The following DNAH9 variants were observed in gnomAD, a reference collection of about 807,000 sequenced individuals.
The protein encoded by DNAH9 is dynein axonemal heavy chain 9.
In DNAH9, 345 loss-of-function variants were observed where a neutral mutation model predicts 471.6. That is an observed-to-expected ratio of 0.73 (90% confidence interval 0.67 to 0.80). DNAH9 has a LOEUF of 0.80. Among genes scored for constraint, DNAH9 ranks in the 30% least tolerant of loss-of-function variants. The probability of loss-of-function intolerance (pLI) is 0.00; values close to 1 mark genes in which losing one functional copy is unlikely to be tolerated. For synonymous variants in DNAH9, 2,093 were observed against 2,123.6 expected, an observed-to-expected ratio of 0.99 and a Z score of 0.40; for missense variants, 5,407 against 5,609.2, an observed-to-expected ratio of 0.96 and a Z score of 1.15.
rs148694504 is a variant in DNAH9 at position 11,680,833 on chromosome 17, C to T, written c.3687C>T (p.Ala1229=). The T allele has an allele frequency of 1.2e-6, 2 of 1,613,838 alleles. No individual in the cohort carries two copies. Among genetic ancestry groups the T allele is most frequent in the African/African-American group, 1.3e-5 (1 of 75,044 alleles). Residue 1229 remains alanine (A), a synonymous_variant, in exon 19 of 69, where the codon GCC becomes GCT. Transcript: ENST00000262442. ...CACTCCTCCGCCAGAGGTGCACAGCCTTCGATGCAGAACAGCAGCAATTCT... is the reference window on the plus strand; with the variant it reads ...CACTCCTCCGCCAGAGGTGCACAGCTTTCGATGCAGAACAGCAGCAATTCT... ...EVTLLRQRCT[A]FDAEQQQFWE... is the part of the protein sequence containing the mutation.
At chr17:11,881,472 G>A (rs1188943108) in intron 55 of DNAH9, 59 bp downstream of exon 55, 2 of 1,533,088 alleles carry the variant, frequency 1.3e-6, no homozygotes, top group Non-Finnish European at 1.8e-6. Flanking sequence ...CTCCACTCTG[G>A]GAGAGGTTGC....
At chr17:11,858,360 C>T (rs148220833) in intron 50 of DNAH9, among the ~76,000 whole-genome samples, 2 of 152,282 alleles carry the variant, frequency 1.3e-5, no homozygotes, top group African/African-American at 4.8e-5. Context: ...TTGGCCCACG[C>T]AGTCTATTTG....
At chr17:11,780,177 C>T (rs552211745) in intron 38 of DNAH9, among the ~76,000 whole-genome samples, 1 of 152,358 alleles carries the variant, frequency 6.6e-6, no homozygotes, top group South Asian at 2.1e-4. Flanking sequence ...AGAAACCACT[C>T]CAGAAAAGAG....
chr17:11,778,329 CAAAAAAA>C (rs57983162), intron 38 of DNAH9, among the ~76,000 whole-genome samples: 350 of 48,642 alleles, frequency 7.2e-3, no homozygotes, highest in African/African-American at 0.015. Flanking sequence ...GACTCCATCT[CAAAAAAA>C]AAAAAAAAAA....
chr17:11,744,982 C>A lies in DNAH9; in HGVS notation c.6297C>A (p.Pro2099=). 1 of 1,614,130 alleles carries A rather than the reference C, an allele frequency of 6.2e-7. No individual in the cohort carries two copies. The highest frequency in any genetic ancestry group is 8.5e-7 in the Non-Finnish European group (1 of 1,179,988). Residue 2099 remains proline (P), a synonymous_variant, in exon 31 of 69, where the codon CCC becomes CCA. Transcript: ENST00000262442. The part of the protein sequence containing the change: ...IFMGLIGDLF[P]ALDVPRRRDP... ...TGGGCCTGATCGGGGACCTCTTTCC[C>A]GCCCTGGATGTCCCCCGGAGGAGAG...
At chr17:11,616,665 T>C (rs2072751606) in intron 4 of DNAH9, among the ~76,000 whole-genome samples, 1 of 152,204 alleles carries the variant, frequency 6.6e-6, no homozygotes, top group Admixed American at 6.5e-5. Context: ...ATCTATGTTA[T>C]GTCTCTATGC....
chr17:11,649,428 AAAT>A (rs1219560187), intron 12 of DNAH9, among the ~76,000 whole-genome samples: 4 of 152,128 alleles, frequency 2.6e-5, no homozygotes, highest in African/African-American at 9.7e-5. Context: ...GTTGCGTATA[AAAT>A]AATAGTGAAT....
In DNAH9 at chr17:11,780,993, C is replaced by T. The variant is rs1360309368; in HGVS notation, c.7553-16C>T. The T allele has an allele frequency of 6.2e-7, 1 of 1,611,586 alleles. No individual in the cohort carries two copies. Among genetic ancestry groups the T allele is most frequent in the East Asian group, 2.2e-5 (1 of 44,852 alleles). On this transcript the variant is annotated splice_polypyrimidine_tract_variant and intron_variant, in intron 38 of 68. Coordinates refer to ENST00000262442, the MANE Select transcript of DNAH9 (RefSeq NM_001372.4). ...GATTTGAGCCGCCTTCCCTCACCGA[C>T]TGGCTCTCTCCCCAGCTGTCCTGGA...
chr17:11,690,428 CTACCCCAGG>C lies in DNAH9; in HGVS notation c.4611_4614+5del. On this transcript the variant is annotated splice_donor_variant and coding_sequence_variant, in exon 20 of 69. Coordinates refer to ENST00000262442, the MANE Select transcript of DNAH9 (RefSeq NM_001372.4). LOFTEE classifies it high-confidence loss of function. ...TGGATCTGAAGATATTCGGGCACAG[CTACCCCAGG>C]TACCTGCTAAGGAAATCTAGAATCT... 2.5e-6 allele frequency: 4 copies of C among 1,612,920 alleles called. No individual in the cohort carries two copies. Among genetic ancestry groups the C allele is most frequent in the Non-Finnish European group, 3.4e-6 (4 of 1,179,052 alleles).
In DNAH9 at chr17:11,932,312, A is replaced by G; in HGVS notation, c.12297+107A>G. On this transcript the variant is annotated intron_variant, in intron 64 of 68. Coordinates refer to ENST00000262442, the MANE Select transcript of DNAH9 (RefSeq NM_001372.4). The surrounding 1 kb of genome is among the most constrained non-coding windows in gnomAD (Gnocchi z 4.3). ...TCTAGGATGGGGCCTGAGAATGTGC[A>G]TTTCTAACAAGCTCCCTCGTGATGC... The G allele has an allele frequency of 8.6e-7, 1 of 1,158,192 alleles. No individual in the cohort carries two copies. Among genetic ancestry groups the G allele is most frequent in the Non-Finnish European group, 1.2e-6 (1 of 834,386 alleles). 71.7% of individuals were successfully genotyped at this position (1,158,192 alleles called of 1,614,324 possible).
At chr17:11,930,133 C>T in intron 63 of DNAH9, 40 bp downstream of exon 63, 1 of 1,542,816 alleles carries the variant, frequency 6.5e-7, no homozygotes, top group Non-Finnish European at 8.9e-7. Context: ...CAGCACACCT[C>T]ACAGTCAGCT....
At chr17:11,665,059 G>T in intron 15 of DNAH9, 91 bp downstream of exon 15, 1 of 1,185,730 alleles carries the variant, frequency 8.4e-7, no homozygotes, top group Non-Finnish European at 1.2e-6. Context: ...TGAGTGCTCT[G>T]TGACTTTTCC....
intron 30 of DNAH9, among the ~76,000 whole-genome samples, chr17:11,742,667 A>G (rs9898249): frequency 0.75 from 113,375 of 152,138 alleles, 42,868 homozygotes; most frequent in East Asian, 0.92. Context: ...AAGCAGGTTA[A>G]GTGTTAACCA....
intron 57 of DNAH9, among the ~76,000 whole-genome samples, chr17:11,889,051 A>G (rs1204465084): frequency 6.6e-6 from 1 of 152,122 alleles, no homozygotes; most frequent in Non-Finnish European, 1.5e-5. Flanking sequence ...AGTGGCAGTA[A>G]AGTAATTTTT....
chr17:11,699,076 G>C (rs2079722), intron 22 of DNAH9, among the ~76,000 whole-genome samples: 12 of 151,518 alleles, frequency 7.9e-5, no homozygotes, highest in African/African-American at 2.2e-4. Context: ...TGGTGAAACC[G>C]CATCTCTACT....
intron 1 of DNAH9, 53 bp from the exon 2 acceptor site, chr17:11,608,076 A>G: frequency 2.2e-6 from 3 of 1,379,086 alleles, no homozygotes; most frequent in Non-Finnish European, 3.0e-6. Flanking sequence ...GGATTTCTTT[A>G]AGTTCTCAGA....
chr17:11,866,394 G>C (rs1426669888), intron 50 of DNAH9, among the ~76,000 whole-genome samples: 1 of 152,138 alleles, frequency 6.6e-6, no homozygotes, highest in Non-Finnish European at 1.5e-5. Context: ...TCTCAGAGGA[G>C]TACCCGGCCG....
intron 22 of DNAH9, among the ~76,000 whole-genome samples, chr17:11,695,810 CTATG>C (rs2074466338): frequency 6.6e-6 from 1 of 152,178 alleles, no homozygotes; most frequent in South Asian, 2.1e-4. Context: ...AGGGACTACA[CTATG>C]AGAACTTCTG....
chr17:11,805,526 T>C (rs1046172513), intron 43 of DNAH9, among the ~76,000 whole-genome samples: 12 of 11,082 alleles, frequency 1.1e-3, no homozygotes, highest in African/African-American at 4.6e-3. Context: ...CCGAGTTCTT[T>C]TTTTTTTTTT....
Sources: allele counts gnomAD v4.1 joint callset (sites outside exome capture counted in the v4.1 genomes callset), GRCh38; gene constraint gnomAD v4.1.1; non-coding constraint Gnocchi (gnomAD v3.1); transcripts MANE v1.5; gene names NCBI Gene and HGNC (gene_info 2026-07-23, HGNC 2026-07-21).